OGFOD1: variants seen among roughly 807,000 people sequenced by gnomAD.
The protein encoded by OGFOD1 is prolyl 3-hydroxylase OGFOD1.
OGFOD1 carries 54 observed loss-of-function variants against 67.7 expected under a neutral mutation model. That is an observed-to-expected ratio of 0.80 (90% confidence interval 0.64 to 1.00). The LOEUF (loss-of-function observed/expected upper bound fraction) is 1.00. OGFOD1 is among the 50% of genes least tolerant of loss of function. The pLI is 0.00. For missense variants in OGFOD1, 606 were observed against 646.7 expected (o/e 0.94, Z 0.68); for synonymous variants, 221 against 227.0 (o/e 0.97, Z 0.24).
chr16:56,458,124 C>A, intron 2 of OGFOD1: 1 of 199,390 alleles, frequency 5.0e-6, no homozygotes, highest in South Asian at 8.5e-5. Flanking sequence ...TCCCAGCCTC[C>A]TTCAAGTCTT....
chr16:56,469,462 C>A lies in OGFOD1; in HGVS notation c.901-541C>A, dbSNP rs1038259451. 3.3e-5 allele frequency among the ~76,000 whole-genome samples: 5 copies of A among 152,022 alleles called. No individual in the cohort carries two copies. The East Asian group carries it at 9.6e-4, about 29-fold the overall frequency. ...GTATATAACTACTTAAGAGAATGAG[C>A]CACAATGGCACTCAGGTCTCTTGGC... On this transcript the variant is annotated intron_variant, in intron 8 of 12. Coordinates refer to ENST00000566157, the MANE Select transcript of OGFOD1 (RefSeq NM_018233.4).
chr16:56,451,581 C>T lies in OGFOD1; in HGVS notation c.-32C>T. 1.9e-6 allele frequency: 3 copies of T among 1,611,264 alleles called. No individual in the cohort carries two copies. Among genetic ancestry groups the T allele is most frequent in the Non-Finnish European group, 8.5e-7 (1 of 1,179,290 alleles). On this transcript the variant is annotated 5_prime_UTR_variant, in exon 1 of 13. Coordinates refer to ENST00000566157, the MANE Select transcript of OGFOD1 (RefSeq NM_018233.4). ...ACCCTCAGGAAGGTAGCGTCTTGAT[C>T]TGCGTGGCGTGGTTCTGTGCCTTGG...
chr16:56,453,311 A>G lies in OGFOD1; in HGVS notation c.203A>G (p.Asn68Ser). 6.2e-7 allele frequency: 1 copy of G among 1,614,144 alleles called. No homozygotes were observed. Residue 68 changes from asparagine (N) to serine (S), a missense_variant, in exon 2 of 13, where the codon AAC becomes AGC. Coordinates refer to ENST00000566157, the MANE Select transcript of OGFOD1 (RefSeq NM_018233.4). Reference sequence around the variant, plus strand: ...CCTTTTCTTCACTGTGTGATCCCAAACTTCATCCAAAGCCAAGACTTCTTA... The same window carrying G: ...CCTTTTCTTCACTGTGTGATCCCAAGCTTCATCCAAAGCCAAGACTTCTTA... Reference protein sequence around the residue: ...MDPFLHCVIPNFIQSQDFLEG... With the variant: ...MDPFLHCVIPSFIQSQDFLEG...
chr16:56,476,165 G>T lies in OGFOD1; in HGVS notation c.1589G>T (p.Arg530Ile). The change falls in exon 13 of 13, where the codon AGA becomes ATA. Residue 530 changes from arginine (R) to isoleucine (I), a missense_variant. Transcript: ENST00000566157. ...GAACAAAAGAAAACCTTCCCAAACAGAACAGGTTTCTGGGACTTTTCATTC... is the reference window on the plus strand; with the variant it reads ...GAACAAAAGAAAACCTTCCCAAACATAACAGGTTTCTGGGACTTTTCATTC... Reference protein sequence around the residue: ...SLEQKKTFPNRTGFWDFSFIY... With the variant: ...SLEQKKTFPNITGFWDFSFIY... The T allele has an allele frequency of 6.2e-7, 1 of 1,613,104 alleles. No homozygotes were observed. The highest frequency in any genetic ancestry group is 2.2e-5 in the East Asian group (1 of 44,848).
intron 10 of OGFOD1, among the ~76,000 whole-genome samples, chr16:56,472,340 T>C (rs978498130): frequency 6.6e-6 from 1 of 152,172 alleles, no homozygotes; most frequent in Non-Finnish European, 1.5e-5. Context: ...ATAAAATCTA[T>C]ATGGGCAGCC....
In OGFOD1 at chr16:56,462,600, C is replaced by T; in HGVS notation, c.414C>T (p.Thr138=). 1 of 1,611,448 alleles carries T rather than the reference C, an allele frequency of 6.2e-7. No individual in the cohort carries two copies. ...TTTCTAAAATTGACCTGGAATCAAC[C>T]ATTGACATGTCCTGTGCTAAATATG... ...SDISKIDLES[T]IDMSCAKYEF... is the part of the protein sequence containing the mutation. The change falls in exon 4 of 13, where the codon ACC becomes ACT. Residue 138 remains threonine, a synonymous_variant. Transcript: ENST00000566157.
chr16:56,462,490 C>G (rs985166507), intron 3 of OGFOD1, 44 bp from the exon 4 acceptor site: 1 of 1,229,490 alleles, frequency 8.1e-7, no homozygotes, highest in Non-Finnish European at 1.2e-6. Flanking sequence ...TGACCTAGAT[C>G]CCACACTGTG....
intron 7 of OGFOD1, 138 bp downstream of exon 7, chr16:56,467,431 T>C (rs1384863505): frequency 9.3e-6 from 2 of 216,156 alleles, no homozygotes; most frequent in Non-Finnish European, 1.6e-5. Context: ...TTTTTCTTCC[T>C]TTTTTTTTTT....
chr16:56,470,573 T>C lies in OGFOD1; in HGVS notation c.1067T>C (p.Leu356Pro). 6.2e-7 allele frequency: 1 copy of C among 1,614,212 alleles called. No individual in the cohort carries two copies. Among genetic ancestry groups the C allele is most frequent in the South Asian group, 1.1e-5 (1 of 91,076 alleles). Residue 356 changes from leucine to proline, a missense_variant, in exon 10 of 13, where the codon CTG becomes CCG. Coordinates refer to ENST00000566157, the MANE Select transcript of OGFOD1 (RefSeq NM_018233.4). Reference sequence around the variant, plus strand: ...TTTCGCTCTGAGGCACTATTCTTGCTGCTCTCCAACTTCACAGGCCTGAAG... The same window carrying C: ...TTTCGCTCTGAGGCACTATTCTTGCCGCTCTCCAACTTCACAGGCCTGAAG... ...KLFRSEALFL[L>P]LSNFTGLKLH... is the part of the protein sequence containing the mutation.
intron 9 of OGFOD1, 65 bp from the exon 10 acceptor site, chr16:56,470,422 T>G: frequency 7.0e-7 from 1 of 1,434,668 alleles, no homozygotes. Flanking sequence ...AACGATCAGC[T>G]TTTATTCTGT....
rs1962929751 is a variant in OGFOD1 at position 56,466,977 on chromosome 16, G to A, written c.657+10G>A. 1.3e-5 allele frequency: 20 copies of A among 1,592,802 alleles called. No homozygotes were observed. Among genetic ancestry groups the A allele is most frequent in the Middle Eastern group, 1.7e-4 (1 of 6,050 alleles). On this transcript the variant is annotated intron_variant, in intron 6 of 12. Coordinates refer to ENST00000566157, the MANE Select transcript of OGFOD1 (RefSeq NM_018233.4). ...TGTGTCCTTTCACCAGGTAAAGACT[G>A]TAAGCCACAAATAGAGTAGCAAGGA...
At position 56,458,582 on chromosome 16, in the gene OGFOD1, T is replaced by A; in HGVS notation, c.335T>A (p.Ile112Asn). ...TTGAAGAAGAGAAGAGAGCCTCACA[T>A]CTCCACTTTAAGGTAAACAAGTAAT... is the stretch of plus-strand genomic sequence containing the variant. ...DDLKKRREPH[I>N]STLRKILFED... Residue 112 changes from isoleucine to asparagine, a missense_variant, in exon 3 of 13, where the codon ATC (isoleucine) becomes AAC (asparagine). Transcript: ENST00000566157. 1 of 1,613,526 alleles carries A rather than the reference T, an allele frequency of 6.2e-7. No individual in the cohort carries two copies. Among genetic ancestry groups the A allele is most frequent in the Admixed American group, 1.7e-5 (1 of 60,020 alleles).
chr16:56,475,429 T>G (rs1963415709), intron 11 of OGFOD1, 78 bp from the exon 12 acceptor site: 3 of 1,278,590 alleles, frequency 2.3e-6, no homozygotes, highest in Admixed American at 3.4e-5. Flanking sequence ...TTAAGCAGCA[T>G]GGGATCAGTG....
chr16:56,457,483 A>G (rs1962561222), intron 2 of OGFOD1, among the ~76,000 whole-genome samples: 2 of 152,254 alleles, frequency 1.3e-5, no homozygotes, highest in Admixed American at 1.3e-4. Context: ...ATGATCGCCC[A>G]ACATTGTGAA....
chr16:56,470,828 AACCATTC>A (rs1262767680), intron 10 of OGFOD1, 37 bp downstream of exon 10: 2 of 1,507,570 alleles, frequency 1.3e-6, no homozygotes, highest in South Asian at 2.7e-5. Flanking sequence ...ACTTACCATT[AACCATTC>A]ACCATTCAAA....
intron 2 of OGFOD1, among the ~76,000 whole-genome samples, chr16:56,456,321 C>T (rs1962521155): frequency 6.6e-6 from 1 of 152,260 alleles, no homozygotes; most frequent in East Asian, 1.9e-4. Context: ...ATTCTGCATC[C>T]TAATGCTTGG....
intron 10 of OGFOD1, among the ~76,000 whole-genome samples, chr16:56,473,101 T>G (rs1018736938): frequency 5.3e-5 from 8 of 152,072 alleles, no homozygotes; most frequent in Admixed American, 3.3e-4. Flanking sequence ...CGGCTAACGT[T>G]TTGTATTTTT....
intron 10 of OGFOD1, 80 bp from the exon 11 acceptor site, chr16:56,474,748 C>A (rs1160558345): frequency 5.3e-6 from 6 of 1,138,556 alleles, no homozygotes; most frequent in Non-Finnish European, 1.3e-6. Context: ...CTGTATCATT[C>A]CTAATTATGA....
At chr16:56,462,756 C>T in intron 4 of OGFOD1, 122 bp downstream of exon 4, 1 of 629,640 alleles carries the variant, frequency 1.6e-6, no homozygotes, top group Non-Finnish European at 2.8e-6. Flanking sequence ...TCCGGATCTT[C>T]CTGATAAAGA....
Sources: allele counts gnomAD v4.1 joint callset (sites outside exome capture counted in the v4.1 genomes callset), GRCh38; gene constraint gnomAD v4.1.1; transcripts MANE v1.5; gene names NCBI Gene and HGNC (gene_info 2026-07-23, HGNC 2026-07-21).